Variants in PKD1 observed in about 807,000 individuals in gnomAD.
PKD1 encodes the protein polycystin 1, transient receptor potential channel interacting, also known as polycystin-1.
Under a neutral mutation model 361.7 loss-of-function variants are expected in PKD1, and 81 were observed. That is an observed-to-expected ratio of 0.22 (90% CI 0.19 to 0.27). PKD1 has a LOEUF of 0.27. PKD1 is among the 10% of genes least tolerant of loss of function. The pLI, the probability that PKD1 is intolerant of heterozygous loss-of-function variation, is 1.00. For synonymous variants in PKD1, 3,615 were observed against 2,818.3 expected (o/e 1.28, Z -8.95); for missense variants, 6,399 against 6,118.3 (o/e 1.05, Z -1.53).
rs1367567191 is a variant in PKD1, at chr16:2,106,616, G to A, written c.7271C>T (p.Thr2424Met). The A allele has an allele frequency of 6.3e-6, 10 of 1,598,052 alleles. No homozygotes were observed. The highest frequency in any genetic ancestry group is 2.2e-5 in the East Asian group (1 of 44,826). Residue 2424 changes from threonine (T) to methionine (M), a missense_variant, in exon 18 of 46, where the codon ACG becomes ATG. Coordinates refer to ENST00000262304, the MANE Select transcript of PKD1 (RefSeq NM_001009944.3). This position sits in a 1 kb window ranked among gnomAD's most constrained non-coding sequence, Gnocchi z 6.5. ...TLVLDETTTS[T>M]GSAGMRLVLR... ...CACCAGTCGCATGCCTGCACTGCCC[G>A]TGGATGTGGTGGTCTCATCCAGCAC...
At chr16:2,124,961 C>G (rs954531683) in intron 1 of PKD1, among the ~76,000 whole-genome samples, 2 of 152,194 alleles carry the variant, frequency 1.3e-5, no homozygotes, top group Non-Finnish European at 2.9e-5. Flanking sequence ...GACCCCCAGG[C>G]CCGTCCCTCC....
In PKD1 at chr16:2,102,804, C is replaced by T. The variant is rs775409343; in HGVS notation, c.8948+10G>A. On this transcript the variant is annotated intron_variant, in intron 24 of 45. Coordinates refer to ENST00000262304, the MANE Select transcript of PKD1 (RefSeq NM_001009944.3). ...TGCCCTGCCCTGCCAGGCTGGCCCG[C>T]AGAGCTCACCCCGGGGAAATGAAGA... The T allele has an allele frequency of 4.3e-6, 7 of 1,609,938 alleles. No individual in the cohort carries two copies. In the East Asian group the frequency reaches 1.1e-4, roughly 26 times the overall value.
Position 2,103,449 on chromosome 16 carries a change from G to T in PKD1, c.8608C>A (p.Arg2870Ser). The stretch of plus-strand genomic sequence containing the variant: ...TTGGGCACCTTCACGGTGATGGCGC[G>T]CTCTGAGGCCAGCCGCTCGATGGGG... ...QIPIERLASE[R>S]AITVKVPNNS... The change falls in exon 23 of 46, where the codon CGC becomes AGC. Residue 2870 changes from arginine to serine, a missense_variant. Transcript: ENST00000262304. 6.3e-7 allele frequency: 1 copy of T among 1,599,346 alleles called. No homozygotes were observed. Among genetic ancestry groups the T allele is most frequent in the Non-Finnish European group, 8.5e-7 (1 of 1,179,446 alleles).
At position 2,115,551 on chromosome 16, in the gene PKD1, G is replaced by T. The variant is rs2092618093; in HGVS notation, c.1924C>A (p.Pro642Thr). 6.3e-7 allele frequency: 1 copy of T among 1,588,034 alleles called. No homozygotes were observed. The highest frequency in any genetic ancestry group is 8.6e-7 in the Non-Finnish European group (1 of 1,164,992). ...NRTQLAPACM[P>T]GGRWCPGANI... ...GCTCCAGGGCACCAGCGTCCCCCTGGCATGCACGCGGGGGCCAGCTGGGTC... is the reference window on the plus strand; with the variant it reads ...GCTCCAGGGCACCAGCGTCCCCCTGTCATGCACGCGGGGGCCAGCTGGGTC... The change falls in exon 10 of 46, where the codon CCA becomes ACA. Residue 642 changes from proline to threonine, a missense_variant. Physicochemically the swap from Pro to Thr is conservative, Grantham distance 38. Coordinates refer to ENST00000262304, the MANE Select transcript of PKD1 (RefSeq NM_001009944.3).
chr16:2,108,684 C>T lies in PKD1; in HGVS notation c.6483G>A (p.Met2161Ile), dbSNP rs2092423503. 1 of 1,569,022 alleles carries T rather than the reference C, an allele frequency of 6.4e-7. No individual in the cohort carries two copies. Among genetic ancestry groups the T allele is most frequent in the Non-Finnish European group, 8.6e-7 (1 of 1,157,880 alleles). Residue 2161 changes from methionine to isoleucine, a missense_variant, in exon 15 of 46, where the codon ATG becomes ATA. Coordinates refer to ENST00000262304, the MANE Select transcript of PKD1 (RefSeq NM_001009944.3). ...VDVVLPLQVL[M>I]RRSQRNYLEA... ...CCAAGTAGTTGCGCTGTGATCGCCG[C>T]ATCAGCACCTGCAGGGGCAGGACCA...
rs750951189 is a variant in PKD1, at chr16:2,106,982, T to C, written c.7066-34A>G. The stretch of plus-strand genomic sequence containing the variant: ...GGAGTGGGGTTACCTCCAACACAGG[T>C]CTATTTGGCCTGCTGGAAGGACTGG... On this transcript the variant is annotated intron_variant, in intron 16 of 45. Transcript: ENST00000262304. The surrounding 1 kb of genome is among the most constrained non-coding windows in gnomAD (Gnocchi z 6.5). 2 of 1,574,936 alleles carry C rather than the reference T, an allele frequency of 1.3e-6. No homozygotes were observed. Among genetic ancestry groups the C allele is most frequent in the East Asian group, 2.2e-5 (1 of 44,760 alleles).
intron 8 of PKD1, among the ~76,000 whole-genome samples, 195 bp downstream of exon 8, chr16:2,116,334 G>A (rs890053448): frequency 4.6e-5 from 7 of 152,200 alleles, no homozygotes; most frequent in Non-Finnish European, 7.3e-5. Context: ...ACTCACACAC[G>A]CTCAGAGAAA....
chr16:2,120,075 C>T (rs1427770582), intron 1 of PKD1: 7 of 578,968 alleles, frequency 1.2e-5, no homozygotes, highest in East Asian at 2.8e-5. Context: ...CCAGGCATGG[C>T]GGCATGCGCC....
At chr16:2,098,422 C>G (rs981610164) in intron 30 of PKD1, among the ~76,000 whole-genome samples, 3 of 150,194 alleles carry the variant, frequency 2.0e-5, no homozygotes, top group Admixed American at 2.0e-4. Flanking sequence ...GTTGGCCAGG[C>G]TGGTCTTGGA....
intron 30 of PKD1, chr16:2,099,264 G>T: frequency 2.8e-6 from 1 of 358,638 alleles, no homozygotes; most frequent in Non-Finnish European, 5.5e-6. Context: ...ACCCGGCCCG[G>T]CCACTGGGAC....
Position 2,106,930 on chromosome 16 carries a change from G to A in PKD1, c.7084C>T (p.Arg2362Trp), listed in dbSNP as rs759171590. The A allele has an allele frequency of 4.2e-5, 66 of 1,581,006 alleles. No individual in the cohort carries two copies. The highest frequency in any genetic ancestry group is 4.5e-5 in the East Asian group (2 of 44,822). The change falls in exon 17 of 46, where the codon CGG (arginine) becomes TGG (tryptophan). Residue 2362 changes from arginine to tryptophan, a missense_variant. Coordinates refer to ENST00000262304, the MANE Select transcript of PKD1 (RefSeq NM_001009944.3). This position sits in a 1 kb window ranked among gnomAD's most constrained non-coding sequence, Gnocchi z 6.5. ...CACTCCAAGGACACAATGGGCACCC[G>A]GCCACTCCGGATCAGCACCTGGCGT... ...TNQTVLIRSG[R>W]VPIVSLECVS...
Position 2,109,135 on chromosome 16 carries a change from T to C in PKD1, c.6032A>G (p.Gln2011Arg). ...RVAYAWYFSLQKVQGDSLVIL... is the reference protein window; with the variant it reads ...RVAYAWYFSLRKVQGDSLVIL... ...GACCAGCGAGTCGCCCTGGACCTTCTGCAGCGAGAAGTACCAGGCGTAGGC... is the reference window on the plus strand; with the variant it reads ...GACCAGCGAGTCGCCCTGGACCTTCCGCAGCGAGAAGTACCAGGCGTAGGC... The change falls in exon 15 of 46, where the codon CAG becomes CGG. Residue 2011 changes from glutamine to arginine, a missense_variant. Gln to Arg is a conservative substitution (Grantham distance 43). Coordinates refer to ENST00000262304, the MANE Select transcript of PKD1 (RefSeq NM_001009944.3). 6.2e-7 allele frequency: 1 copy of C among 1,602,750 alleles called. No individual in the cohort carries two copies. The highest frequency in any genetic ancestry group is 8.5e-7 in the Non-Finnish European group (1 of 1,174,408).
chr16:2,121,930 G>T (rs1053224489), intron 1 of PKD1, among the ~76,000 whole-genome samples: 1 of 152,208 alleles, frequency 6.6e-6, no homozygotes, highest in Non-Finnish European at 1.5e-5. Context: ...CCAAGCCGGG[G>T]CGGCCTCCAT....
Position 2,090,052 on chromosome 16 carries a change from C to T in PKD1, c.12587G>A (p.Gly4196Glu), listed in dbSNP as rs1367588687. 1 of 1,611,492 alleles carries T rather than the reference C, an allele frequency of 6.2e-7. No homozygotes were observed. The highest frequency in any genetic ancestry group is 1.7e-4 in the Middle Eastern group (1 of 6,054). ...CAGCCGGCCCAGGCTCACGCTCAGC[C>T]CATCCAGCTGGCTGGAGGAGGTGGA... ...HPSTSSSQLD[G>E]LSVSLGRLGT... is the part of the protein sequence containing the mutation. The change falls in exon 46 of 46, where the codon GGG (glycine) becomes GAG (glutamate). Residue 4196 changes from glycine to glutamate, a missense_variant. Transcript: ENST00000262304.
chr16:2,115,912 C>G, intron 9 of PKD1, 80 bp downstream of exon 9: 1 of 1,471,136 alleles, frequency 6.8e-7, no homozygotes, highest in Non-Finnish European at 9.3e-7. Context: ...GGCCACAGGA[C>G]CAGCAGACGT....
rs572817065 is a variant in PKD1, at chr16:2,102,898, T to C, written c.8864A>G (p.His2955Arg). The change falls in exon 24 of 46, where the codon CAC (histidine) becomes CGC (arginine). Residue 2955 changes from histidine to arginine, a missense_variant. Physicochemically the swap from His to Arg is conservative, Grantham distance 29. Coordinates refer to ENST00000262304, the MANE Select transcript of PKD1 (RefSeq NM_001009944.3). ...YLHSEPRPNEHNCSASRRIRP... is the reference protein window; with the variant it reads ...YLHSEPRPNERNCSASRRIRP... ...GATCCTCCTGCTAGCCGAGCAGTTG[T>C]GCTCATTGGGCCGGGGCTCCGAGTG... 8.7e-6 allele frequency: 14 copies of C among 1,610,060 alleles called. No individual in the cohort carries two copies. In the East Asian group the frequency reaches 1.6e-4, roughly 18 times the overall value.
chr16:2,107,020 G>T, intron 16 of PKD1, 72 bp from the exon 17 acceptor site: 2 of 1,447,762 alleles, frequency 1.4e-6, no homozygotes, highest in South Asian at 1.1e-5. Context: ...GACCCATGGA[G>T]GATGCTGCTC....
At chr16:2,121,419 A>C (rs1364976697) in intron 1 of PKD1, among the ~76,000 whole-genome samples, 1 of 152,144 alleles carries the variant, frequency 6.6e-6, no homozygotes, top group African/African-American at 2.4e-5. Context: ...GGAGGGAGGA[A>C]AGAAAGAGAA....
At chr16:2,113,062 C>T (rs917312498) in intron 12 of PKD1, 99 bp from the exon 13 acceptor site, 122 of 1,335,494 alleles carry the variant, frequency 9.1e-5, no homozygotes, top group African/African-American at 2.0e-4. Flanking sequence ...GCAGCGTCCT[C>T]GGGCAGCATG....
Sources: gnomAD v4.1 joint callset for allele counts (sites outside exome capture counted in the v4.1 genomes callset) on GRCh38, gnomAD v4.1.1 for gene constraint, Gnocchi (gnomAD v3.1) non-coding constraint, MANE v1.5 for transcripts, NCBI Gene and HGNC (gene_info 2026-07-23, HGNC 2026-07-21) for gene names.